Variants in GRAMD1C observed in about 807,000 individuals in gnomAD.
GRAMD1C encodes protein Aster-C.
In GRAMD1C, 89 loss-of-function variants were observed where a neutral mutation model predicts 97.8. The observed-to-expected ratio is 0.91, with a 90% CI of 0.77 to 1.09. The LOEUF is 1.09. Ranked by LOEUF, GRAMD1C falls within the 50% of genes least tolerant of loss-of-function variation. GRAMD1C has a pLI of 0.00. For synonymous variants in GRAMD1C, 256 were observed against 267.0 expected, an observed-to-expected ratio of 0.96 and a Z score of 0.40; for missense variants, 740 against 766.4, an observed-to-expected ratio of 0.97 and a Z score of 0.41.
At chr3:113,941,040 A>G (rs1412124827) in intron 17 of GRAMD1C, among the ~76,000 whole-genome samples, 2 of 151,988 alleles carry the variant, frequency 1.3e-5, no homozygotes, top group Non-Finnish European at 2.9e-5. Flanking sequence ...TGGGGTTCCT[A>G]TTGTCTGTGT....
At chr3:113,917,269 C>A (rs1482888795) in intron 10 of GRAMD1C, among the ~76,000 whole-genome samples, 1 of 152,162 alleles carries the variant, frequency 6.6e-6, no homozygotes, top group Non-Finnish European at 1.5e-5. Context: ...AGCAGAGATT[C>A]ATATAAAGTG....
rs1165797042 is a variant in GRAMD1C, at chr3:113,904,269, A to G, written c.786A>G (p.Lys262=). ...AGTCATTCGATGGAAATTCATCAAAAGGAGTTAGTATATGATATCCCTTTT... is the reference window on the plus strand; with the variant it reads ...AGTCATTCGATGGAAATTCATCAAAGGGAGTTAGTATATGATATCCCTTTT... ...ETESFDGNSS[K]GGLGKEESQN... is the part of the protein sequence containing the mutation. The change falls in exon 8 of 18, where the codon AAA becomes AAG. Residue 262 remains lysine, a synonymous_variant. Coordinates refer to ENST00000358160, the MANE Select transcript of GRAMD1C (RefSeq NM_017577.5). 1 of 1,596,670 alleles carries G rather than the reference A, an allele frequency of 6.3e-7. No homozygotes were observed. The highest frequency in any genetic ancestry group is 1.7e-5 in the Admixed American group (1 of 60,006).
intron 2 of GRAMD1C, among the ~76,000 whole-genome samples, chr3:113,846,082 A>C (rs2107320562): frequency 6.7e-6 from 1 of 150,214 alleles, no homozygotes; most frequent in Non-Finnish European, 1.5e-5. Context: ...TTATGACAAT[A>C]TTGTAGTATT....
intron 2 of GRAMD1C, among the ~76,000 whole-genome samples, chr3:113,865,534 A>G (rs1440892209): frequency 6.6e-6 from 1 of 152,260 alleles, no homozygotes; most frequent in Non-Finnish European, 1.5e-5. Context: ...AAAAGTGTTC[A>G]AATCACTTAG....
intron 2 of GRAMD1C, among the ~76,000 whole-genome samples, chr3:113,858,496 G>T (rs1253842477): frequency 6.8e-6 from 1 of 148,128 alleles, no homozygotes; most frequent in Admixed American, 6.9e-5. Flanking sequence ...CCAGGTTCAA[G>T]TGATTCCCCT....
At chr3:113,915,625 C>G in intron 9 of GRAMD1C, 76 bp from the exon 10 acceptor site, 1 of 1,161,610 alleles carries the variant, frequency 8.6e-7, no homozygotes, top group African/African-American at 1.5e-5. Context: ...AAAGAAAACC[C>G]CACGAAACCC....
At chr3:113,890,817 G>T in intron 6 of GRAMD1C, 1 of 682,436 alleles carries the variant, frequency 1.5e-6, no homozygotes, top group South Asian at 1.6e-5. Context: ...ATAAAGTTCA[G>T]GTTTACAGAT....
rs1934473451 is a variant in GRAMD1C, at chr3:113,863,451, GT to G, written c.175-6055del. 2.0e-5 allele frequency among the ~76,000 whole-genome samples: 3 copies of G among 152,130 alleles called. No homozygotes were observed. In the South Asian group the frequency reaches 6.2e-4, roughly 32 times the overall value. On this transcript the variant is annotated intron_variant, in intron 2 of 17. Coordinates refer to ENST00000358160, the MANE Select transcript of GRAMD1C (RefSeq NM_017577.5). ...CCATAGAGATAGAAAGTAGATTAGT[GT>G]CGTTTGGACCTGGGTGGAGGGGGAA... is the stretch of plus-strand genomic sequence containing the variant.
chr3:113,888,268 A>G (rs890895331), intron 6 of GRAMD1C, among the ~76,000 whole-genome samples: 4 of 152,218 alleles, frequency 2.6e-5, no homozygotes, highest in Non-Finnish European at 5.9e-5. Context: ...AAAGGTATAT[A>G]CTATTATCAA....
At chr3:113,911,173 G>GACACACACACACACACAC (rs60151773) in intron 9 of GRAMD1C, among the ~76,000 whole-genome samples, 22,330 of 147,352 alleles carry the variant, frequency 0.15, 2,047 homozygotes, top group African/African-American at 0.25. Flanking sequence ...CAGAGAGAGA[G>GACACACACACACACACAC]ACACACACAC....
upstream of GRAMD1C, among the ~76,000 whole-genome samples, chr3:113,837,789 T>C (rs1483128552): frequency 6.6e-6 from 1 of 152,162 alleles, no homozygotes; most frequent in East Asian, 1.9e-4. Flanking sequence ...ACGCCAGTAG[T>C]CCCAGCTACT....
At chr3:113,931,547 CG>C (rs1937422826) in intron 11 of GRAMD1C, among the ~76,000 whole-genome samples, 1 of 151,862 alleles carries the variant, frequency 6.6e-6, no homozygotes, top group Non-Finnish European at 1.5e-5. Context: ...TTAGTAGAGA[CG>C]GGGTTTCAGC....
intron 6 of GRAMD1C, among the ~76,000 whole-genome samples, chr3:113,893,620 TG>T (rs1233648187): frequency 9.2e-5 from 14 of 152,252 alleles, no homozygotes; most frequent in Non-Finnish European, 2.1e-4. Context: ...CACTGTTGTA[TG>T]TCCACTGACA....
At chr3:113,930,378 T>C (rs1937364966) in intron 10 of GRAMD1C, among the ~76,000 whole-genome samples, 1 of 152,348 alleles carries the variant, frequency 6.6e-6, no homozygotes, top group East Asian at 1.9e-4. Context: ...CTGATAAACC[T>C]GGCATCATTA....
At chr3:113,922,195 C>G (rs1334020788) in intron 10 of GRAMD1C, among the ~76,000 whole-genome samples, 1 of 152,068 alleles carries the variant, frequency 6.6e-6, no homozygotes, top group Non-Finnish European at 1.5e-5. Context: ...CCTCAGCCCC[C>G]CAAGTAGCTG....
At chr3:113,941,536 G>GC (rs1937775932) in intron 17 of GRAMD1C, among the ~76,000 whole-genome samples, 1 of 151,136 alleles carries the variant, frequency 6.6e-6, no homozygotes, top group African/African-American at 2.4e-5. Context: ...TTCTTCCATT[G>GC]AGTTTTTCAG....
chr3:113,886,060 G>A (rs1935462824), intron 6 of GRAMD1C: 1 of 1,463,620 alleles, frequency 6.8e-7, no homozygotes. Context: ...TTGGGTTGGG[G>A]TGGGGGGGCG....
chr3:113,889,219 C>T (rs1278673709), intron 6 of GRAMD1C, among the ~76,000 whole-genome samples: 2 of 151,896 alleles, frequency 1.3e-5, no homozygotes, highest in Non-Finnish European at 2.9e-5. Flanking sequence ...CGTATATCCA[C>T]ACAGTGGAAT....
At chr3:113,861,440 G>A (rs1462452925) in intron 2 of GRAMD1C, among the ~76,000 whole-genome samples, 3 of 152,118 alleles carry the variant, frequency 2.0e-5, no homozygotes, top group Non-Finnish European at 4.4e-5. Flanking sequence ...AGGAGTTTGA[G>A]GCTGCACTGT....
Sources: gnomAD v4.1 joint callset for allele counts (sites outside exome capture counted in the v4.1 genomes callset) on GRCh38, gnomAD v4.1.1 for gene constraint, MANE v1.5 for transcripts, NCBI Gene and HGNC (gene_info 2026-07-23, HGNC 2026-07-21) for gene names.